The following C12orf56 variants were observed in gnomAD, a reference collection of about 807,000 sequenced individuals.
C12orf56 encodes chromosome 12 open reading frame 56.
C12orf56 carries 71 observed loss-of-function variants against 69.9 expected under a neutral mutation model. The observed-to-expected ratio is 1.02, with a 90% CI of 0.84 to 1.24. C12orf56 has a LOEUF of 1.24. C12orf56 is among the 50% of genes most tolerant of loss of function. The probability of loss-of-function intolerance (pLI) is 0.00; values close to 1 mark genes in which losing one functional copy is unlikely to be tolerated. For synonymous variants in C12orf56, 276 were observed against 274.1 expected (o/e 1.01, Z -0.07); for missense variants, 732 against 738.5 (o/e 0.99, Z 0.10).
At chr12:64,368,492 G>A (rs1439569899) in intron 1 of C12orf56, among the ~76,000 whole-genome samples, 2 of 151,938 alleles carry the variant, frequency 1.3e-5, no homozygotes, top group Non-Finnish European at 2.9e-5. Context: ...GACTATGAAA[G>A]CCTAAAAAAT....
At chr12:64,356,115 G>C (rs1473345062) in intron 1 of C12orf56, among the ~76,000 whole-genome samples, 1 of 137,460 alleles carries the variant, frequency 7.3e-6, no homozygotes, top group Non-Finnish European at 1.5e-5. Context: ...AGTGAGCCGA[G>C]ATCGTGCCAT....
At chr12:64,329,388 A>G (rs1323252204) in intron 3 of C12orf56, among the ~76,000 whole-genome samples, 4 of 151,880 alleles carry the variant, frequency 2.6e-5, no homozygotes, top group African/African-American at 4.8e-5. Context: ...TATTTTTGCT[A>G]TCACTACCCC....
intron 9 of C12orf56, among the ~76,000 whole-genome samples, chr12:64,276,001 A>ACCCCC (rs57825864): frequency 3.4e-5 from 5 of 144,994 alleles, no homozygotes; most frequent in African/African-American, 1.1e-4. Flanking sequence ...AGAAATACAC[A>ACCCCC]CCCCCCCCCG....
chr12:64,266,874 T>C lies in C12orf56; in HGVS notation c.*309A>G. 3.0e-6 allele frequency: 1 copy of C among 336,248 alleles called. No individual in the cohort carries two copies. The highest frequency in any genetic ancestry group is 5.3e-6 in the Non-Finnish European group (1 of 188,592). 20.8% of individuals were successfully genotyped at this position (336,248 alleles called of 1,614,324 possible). A position where few individuals can be genotyped will look rare whatever the true frequency, so the allele number is the denominator to read the frequency against. On this transcript the variant is annotated 3_prime_UTR_variant, in exon 13 of 13. Transcript: ENST00000543942. ...TTTCCTAAATCCCTGCATTCCTTTT[T>C]CCTGTGTCTTGATGGATAGTCGTTT...
intron 1 of C12orf56, among the ~76,000 whole-genome samples, chr12:64,367,233 T>TATAACATACA (rs1565777782): frequency 0.034 from 3,687 of 108,666 alleles, 1,610 homozygotes; most frequent in Middle Eastern, 0.074. Context: ...ATATATTATA[T>TATAACATACA]GTAATATACA....
At chr12:64,315,199 G>T (rs1487585135) in intron 4 of C12orf56, among the ~76,000 whole-genome samples, 1 of 151,774 alleles carries the variant, frequency 6.6e-6, no homozygotes, top group Admixed American at 6.6e-5. Context: ...TGATCCAACT[G>T]CCTCAGCCAC....
At chr12:64,272,756 C>T (rs996850313) in intron 11 of C12orf56, among the ~76,000 whole-genome samples, 3 of 152,144 alleles carry the variant, frequency 2.0e-5, no homozygotes, top group African/African-American at 7.2e-5. Context: ...TTCAAACATT[C>T]TGTGAAATGG....
chr12:64,346,772 G>A (rs1022996926), intron 2 of C12orf56, among the ~76,000 whole-genome samples: 1 of 152,036 alleles, frequency 6.6e-6, no homozygotes, highest in Non-Finnish European at 1.5e-5. Flanking sequence ...TTGTTCTATT[G>A]TTGAAAGGAG....
intron 4 of C12orf56, 143 bp downstream of exon 4, chr12:64,318,432 C>T (rs2038717296): frequency 2.8e-6 from 2 of 702,784 alleles, no homozygotes; most frequent in Middle Eastern, 4.0e-4. Context: ...CTTAATTGTT[C>T]AGTACATTTT....
At chr12:64,380,137 AAACAAAC>A (rs2039700173) in intron 1 of C12orf56, among the ~76,000 whole-genome samples, 2 of 100,030 alleles carry the variant, frequency 2.0e-5, no homozygotes, top group African/African-American at 7.6e-5. Flanking sequence ...AAAAAAAACA[AAACAAAC>A]AAAAAAAAAC....
At chr12:64,361,160 A>G (rs2039395242) in intron 1 of C12orf56, among the ~76,000 whole-genome samples, 1 of 152,214 alleles carries the variant, frequency 6.6e-6, no homozygotes, top group African/African-American at 2.4e-5. Flanking sequence ...CAGAGACTGC[A>G]GTGAACTGAG....
chr12:64,372,599 C>T (rs986443873), intron 1 of C12orf56, among the ~76,000 whole-genome samples: 1 of 152,202 alleles, frequency 6.6e-6, no homozygotes, highest in Non-Finnish European at 1.5e-5. Flanking sequence ...ACTGCAACCA[C>T]TGCCTCCAGG....
At chr12:64,278,369 G>A (rs982667633) in intron 8 of C12orf56, among the ~76,000 whole-genome samples, 1 of 152,042 alleles carries the variant, frequency 6.6e-6, no homozygotes, top group African/African-American at 2.4e-5. Flanking sequence ...TGTTGCCCGG[G>A]CTGGTCTTGA....
At chr12:64,332,302 CAAAAAAA>C (rs10680877) in intron 2 of C12orf56, among the ~76,000 whole-genome samples, 1 of 100,776 alleles carries the variant, frequency 9.9e-6, no homozygotes, top group Non-Finnish European at 1.9e-5. Context: ...GACTCCATCT[CAAAAAAA>C]AAAAAAAAAA....
chr12:64,367,403 A>G (rs1347822848), intron 1 of C12orf56, among the ~76,000 whole-genome samples: 3 of 148,382 alleles, frequency 2.0e-5, no homozygotes, highest in African/African-American at 7.4e-5. Context: ...AGAAACTAAA[A>G]TACTATGGGT....
rs200062094 is a variant in C12orf56 at position 64,365,735 on chromosome 12, GT to G, written c.253-12680del. Reference sequence around the variant, plus strand: ...TAGTTTATATAATATATAATATATAGTTTATATAATATATATAATATATAGT... The same window carrying G: ...TAGTTTATATAATATATAATATATAGTTATATAATATATATAATATATAGT... On this transcript the variant is annotated intron_variant, in intron 1 of 12. Transcript: ENST00000543942. 7.3e-3 allele frequency among the ~76,000 whole-genome samples: 1,027 copies of G among 140,698 alleles called. 13 individuals are homozygous for G. Among genetic ancestry groups the G allele is most frequent in the African/African-American group, 0.025 (949 of 38,322 alleles). 92.3% of individuals were successfully genotyped at this position (140,698 alleles called of 152,430 possible). A position where few individuals can be genotyped will look rare whatever the true frequency, so the allele number is the denominator to read the frequency against.
chr12:64,379,409 T>C lies in C12orf56; in HGVS notation c.252+10905A>G, dbSNP rs529798832. Among the ~76,000 whole-genome samples the C allele has an allele frequency of 1.3e-4, 20 of 151,870 alleles. No homozygotes were observed. The South Asian group carries it at 2.3e-3, about 17-fold the overall frequency. Reference sequence around the variant, plus strand: ...ACGCCATTCTCCTGCCTCAGCCTCCTGCGTAGCTGGGACCACAGGTGCCCG... The same window carrying C: ...ACGCCATTCTCCTGCCTCAGCCTCCCGCGTAGCTGGGACCACAGGTGCCCG... On this transcript the variant is annotated intron_variant, in intron 1 of 12. Coordinates refer to ENST00000543942, the MANE Select transcript of C12orf56 (RefSeq NM_001170633.2).
chr12:64,329,521 ATTTATTTATTTT>A (rs1205328022), intron 3 of C12orf56, among the ~76,000 whole-genome samples: 7 of 150,444 alleles, frequency 4.7e-5, no homozygotes, highest in Admixed American at 3.3e-4. Context: ...TTATTTATTT[ATTTATTTATTTT>A]TTATTATTAC....
At chr12:64,366,049 A>G (rs1222701748) in intron 1 of C12orf56, among the ~76,000 whole-genome samples, 10 of 91,724 alleles carry the variant, frequency 1.1e-4, no homozygotes, top group South Asian at 3.2e-4. Context: ...TATATATTAT[A>G]TATAATATAT....
Sources: gnomAD v4.1 joint callset for allele counts (sites outside exome capture counted in the v4.1 genomes callset) on GRCh38, gnomAD v4.1.1 for gene constraint, MANE v1.5 for transcripts, NCBI Gene and HGNC (gene_info 2026-07-23, HGNC 2026-07-21) for gene names.